The following HCN1 variants were observed in gnomAD, a reference collection of about 807,000 sequenced individuals.
HCN1 encodes the protein hyperpolarization activated cyclic nucleotide gated potassium channel 1, also known as potassium/sodium hyperpolarization-activated cyclic nucleotide-gated channel 1.
Under a neutral mutation model 78.9 loss-of-function variants are expected in HCN1, and 13 were observed. That is an observed-to-expected ratio of 0.16 (90% confidence interval 0.11 to 0.26). HCN1 has a LOEUF of 0.26. HCN1 is among the 10% of genes least tolerant of loss of function. The pLI is 1.00. For missense variants in HCN1, 810 were observed against 1,154.3 expected (o/e 0.70, Z 4.32); for synonymous variants, 552 against 455.5 (o/e 1.21, Z -2.70).
At chr5:45,686,337 C>T (rs1458941352) in intron 1 of HCN1, among the ~76,000 whole-genome samples, 2 of 151,974 alleles carry the variant, frequency 1.3e-5, no homozygotes, top group African/African-American at 4.8e-5. Context: ...AATTCAACCA[C>T]CATAATTGTT....
chr5:45,359,309 A>T (rs921794893), intron 4 of HCN1, among the ~76,000 whole-genome samples: 8 of 151,722 alleles, frequency 5.3e-5, no homozygotes, highest in African/African-American at 1.7e-4. Context: ...TACTCATCAA[A>T]TCAGAGGGAA....
chr5:45,270,879 T>C (rs1453032244), intron 6 of HCN1, among the ~76,000 whole-genome samples: 1 of 152,184 alleles, frequency 6.6e-6, no homozygotes, highest in Admixed American at 6.5e-5. Context: ...AGCATAGATA[T>C]AAGTTTAGTC....
At chr5:45,427,454 C>A (rs76409477) in intron 3 of HCN1, among the ~76,000 whole-genome samples, 272 of 152,146 alleles carry the variant, frequency 1.8e-3, no homozygotes, top group African/African-American at 6.1e-3. Flanking sequence ...AATAAAAAAT[C>A]TTTGCCTCTT....
chr5:45,546,717 T>C (rs1347425193), intron 2 of HCN1, among the ~76,000 whole-genome samples: 1 of 151,870 alleles, frequency 6.6e-6, no homozygotes, highest in Admixed American at 6.6e-5. Context: ...ACCTATCCTA[T>C]ATGGCTTCAA....
intron 4 of HCN1, among the ~76,000 whole-genome samples, chr5:45,381,844 T>C (rs1439019684): frequency 6.6e-6 from 1 of 152,106 alleles, no homozygotes. Context: ...CATGGTCTTT[T>C]CAAAACTAAA....
rs1274709778 is a variant in HCN1 at position 45,519,138 on chromosome 5, A to G, written c.850-57131T>C. ...TATAGGAATCACAACCAATTTTATT[A>G]GAAGGAATTTAATGCTTACATTTGA... is the stretch of plus-strand genomic sequence containing the variant. On this transcript the variant is annotated intron_variant, in intron 2 of 7. Coordinates refer to ENST00000303230, the MANE Select transcript of HCN1 (RefSeq NM_021072.4). 4.6e-5 allele frequency among the ~76,000 whole-genome samples: 7 copies of G among 152,130 alleles called. No individual in the cohort carries two copies. In the East Asian group the frequency reaches 9.7e-4, roughly 21 times the overall value.
intron 2 of HCN1, among the ~76,000 whole-genome samples, chr5:45,521,645 T>G (rs1185344575): frequency 6.6e-6 from 1 of 151,986 alleles, no homozygotes; most frequent in Non-Finnish European, 1.5e-5. Context: ...TGATTACCTC[T>G]GTTATGACCC....
chr5:45,409,873 T>C (rs1479233714), intron 3 of HCN1, among the ~76,000 whole-genome samples: 1 of 151,636 alleles, frequency 6.6e-6, no homozygotes, highest in Non-Finnish European at 1.5e-5. Flanking sequence ...ATATTCAGAT[T>C]ACCCAACTTT....
At chr5:45,683,827 T>C (rs780670333) in intron 1 of HCN1, among the ~76,000 whole-genome samples, 3 of 151,984 alleles carry the variant, frequency 2.0e-5, no homozygotes, top group Non-Finnish European at 4.4e-5. Context: ...TGCATCTCCA[T>C]GCCTGCCTAA....
intron 5 of HCN1, among the ~76,000 whole-genome samples, chr5:45,322,936 T>A (rs761974155): frequency 6.6e-6 from 1 of 151,878 alleles, no homozygotes; most frequent in Admixed American, 6.6e-5. Flanking sequence ...TTGTCTGATA[T>A]AATAGTTCCT....
intron 2 of HCN1, among the ~76,000 whole-genome samples, chr5:45,485,538 T>C (rs1202594800): frequency 6.6e-6 from 1 of 152,244 alleles, no homozygotes; most frequent in East Asian, 1.9e-4. Flanking sequence ...ATTTCTATTT[T>C]ATGAATTCCC....
chr5:45,589,495 G>A (rs1744310387), intron 2 of HCN1, among the ~76,000 whole-genome samples: 1 of 152,184 alleles, frequency 6.6e-6, no homozygotes, highest in South Asian at 2.1e-4. Flanking sequence ...AATTGACTCT[G>A]TTAAGGTCTT....
At chr5:45,473,844 A>T (rs911849111) in intron 2 of HCN1, among the ~76,000 whole-genome samples, 2 of 151,794 alleles carry the variant, frequency 1.3e-5, no homozygotes, top group African/African-American at 4.8e-5. Flanking sequence ...GGCGTTTCCT[A>T]TCTGTCATCT....
intron 5 of HCN1, among the ~76,000 whole-genome samples, chr5:45,346,815 G>T (rs1746725862): frequency 6.6e-6 from 1 of 152,180 alleles, no homozygotes; most frequent in South Asian, 2.1e-4. Flanking sequence ...CTGCGGGAGG[G>T]GCACCCTCCA....
Position 45,625,073 on chromosome 5 carries a change from G to C in HCN1, c.849+20112C>G, listed in dbSNP as rs116732166. 2.9e-3 allele frequency among the ~76,000 whole-genome samples: 449 copies of C among 152,220 alleles called. 5 individuals carry two copies. The highest frequency in any genetic ancestry group is 0.01 in the African/African-American group (431 of 41,544). On this transcript the variant is annotated intron_variant, in intron 2 of 7. Transcript: ENST00000303230. ...TGGTATTAAAAAAATTCATCTGGCT[G>C]GGCGTAGTGGCTCATGCCTGTAACC...
Position 45,396,476 on chromosome 5 carries a change from A to C in HCN1, c.1230+16T>G. On this transcript the variant is annotated intron_variant, in intron 4 of 7. Coordinates refer to ENST00000303230, the MANE Select transcript of HCN1 (RefSeq NM_021072.4). The stretch of plus-strand genomic sequence containing the variant: ...TTAGCTGGTTAAAGACATTGGCGAT[A>C]AATAAAACAAATTACCTTCTCTTGA... The C allele has an allele frequency of 6.2e-7, 1 of 1,607,022 alleles. No homozygotes were observed. The highest frequency in any genetic ancestry group is 8.5e-7 in the Non-Finnish European group (1 of 1,175,296).
At chr5:45,451,084 AC>A (rs765296152) in intron 3 of HCN1, among the ~76,000 whole-genome samples, 17 of 152,182 alleles carry the variant, frequency 1.1e-4, no homozygotes, top group Non-Finnish European at 2.1e-4. Flanking sequence ...CATGGAAATT[AC>A]CCTGTTCATA....
rs573663448 is a variant in HCN1 at position 45,549,842 on chromosome 5, C to T, written c.850-87835G>A. On this transcript the variant is annotated intron_variant, in intron 2 of 7. Coordinates refer to ENST00000303230, the MANE Select transcript of HCN1 (RefSeq NM_021072.4). ...CCCATCAAAAAGTGGGCGAAGGATA[C>T]GAACAGACACTTCTCAAAAGAAGAC... Among the ~76,000 whole-genome samples, 116 of 151,958 alleles carry T rather than the reference C, an allele frequency of 7.6e-4. 2 individuals are homozygous for T. In the East Asian group the frequency reaches 0.014, roughly 18 times the overall value.
chr5:45,663,652 T>C (rs1745969121), intron 1 of HCN1, among the ~76,000 whole-genome samples: 2 of 151,058 alleles, frequency 1.3e-5, no homozygotes, highest in Admixed American at 6.6e-5. Context: ...GTGAAGGACA[T>C]GAACAGACAC....
Sources: allele counts gnomAD v4.1 joint callset (sites outside exome capture counted in the v4.1 genomes callset), GRCh38; gene constraint gnomAD v4.1.1; transcripts MANE v1.5; gene names NCBI Gene and HGNC (gene_info 2026-07-23, HGNC 2026-07-21).